The following HERC3 variants were observed in gnomAD, a reference collection of about 807,000 sequenced individuals.
HERC3 encodes the protein HECT and RLD domain containing E3 ubiquitin protein ligase 3.
A neutral mutation model predicts 129.9 loss-of-function variants in HERC3; 58 were observed. That is an observed-to-expected ratio of 0.45 (90% CI 0.36 to 0.56). The LOEUF is 0.56. HERC3 is among the 20% of genes least tolerant of loss of function. HERC3 has a pLI of 0.00. For missense variants in HERC3, 835 were observed against 1,244.2 expected, an observed-to-expected ratio of 0.67 and a Z score of 4.95; for synonymous variants, 430 against 451.0, an observed-to-expected ratio of 0.95 and a Z score of 0.59.
At chr4:88,699,631 T>C (rs180796112) in intron 23 of HERC3, among the ~76,000 whole-genome samples, 3 of 151,896 alleles carry the variant, frequency 2.0e-5, no homozygotes, top group South Asian at 2.1e-4. Context: ...AATTGGCAGA[T>C]GCAGGGGCAG....
At chr4:88,544,633 G>A in the HERC3 span, among the ~76,000 whole-genome samples, 245 of 152,178 alleles carry the variant, frequency 1.6e-3, no homozygotes, top group African/African-American at 5.5e-3. Flanking sequence ...TGTTTATTGC[G>A]GCACTATTCA....
the HERC3 span, among the ~76,000 whole-genome samples, chr4:88,536,312 C>G: frequency 2.0e-4 from 30 of 152,106 alleles, no homozygotes; most frequent in Admixed American, 2.0e-3. Flanking sequence ...CTCCATTGTC[C>G]CTCTAAACCA....
intron 23 of HERC3, chr4:88,695,952 A>G (rs1307718384): frequency 6.6e-6 from 1 of 152,622 alleles, no homozygotes; most frequent in Non-Finnish European, 1.5e-5. Flanking sequence ...CACCACAGTG[A>G]TAAACAACTT....
intron 3 of HERC3, among the ~76,000 whole-genome samples, chr4:88,631,668 A>G (rs550952227): frequency 6.6e-6 from 1 of 152,308 alleles, no homozygotes; most frequent in South Asian, 2.1e-4. Context: ...GCCCTTTACT[A>G]TATGGAAAGA....
chr4:88,650,201 G>A (rs934852155), intron 4 of HERC3, among the ~76,000 whole-genome samples: 2 of 152,184 alleles, frequency 1.3e-5, no homozygotes, highest in African/African-American at 4.8e-5. Flanking sequence ...ATGTGAGTCG[G>A]TTGGGAACTG....
intron 3 of HERC3, among the ~76,000 whole-genome samples, chr4:88,642,633 C>T (rs1325679609): frequency 2.0e-5 from 3 of 152,210 alleles, no homozygotes; most frequent in African/African-American, 7.2e-5. Context: ...CTTGTTAGCT[C>T]TATCTTCATA....
chr4:88,684,242 C>A (rs551496026), intron 21 of HERC3, among the ~76,000 whole-genome samples: 15 of 152,276 alleles, frequency 9.9e-5, no homozygotes, highest in Non-Finnish European at 1.8e-4. Context: ...GTAACCAAAA[C>A]AACATGGTAC....
intron 3 of HERC3, among the ~76,000 whole-genome samples, chr4:88,622,263 CTTT>C (rs1202254909): frequency 1.3e-5 from 2 of 152,182 alleles, no homozygotes; most frequent in African/African-American, 4.8e-5. Flanking sequence ...TGACTGGCTT[CTTT>C]AATTTAGCAT....
upstream of HERC3, among the ~76,000 whole-genome samples, chr4:88,590,613 G>T (rs1721649857): frequency 6.6e-6 from 1 of 152,130 alleles, no homozygotes; most frequent in African/African-American, 2.4e-5. Flanking sequence ...TGAGCCATGG[G>T]CCAGACATAT....
At chr4:88,667,611 A>G (rs962458978) in intron 13 of HERC3, 123 bp downstream of exon 13, 17 of 669,878 alleles carry the variant, frequency 2.5e-5, no homozygotes, top group Middle Eastern at 8.3e-4. Context: ...TTTGTAAAGT[A>G]TTTACTCTGG....
chr4:88,577,954 G>A, the HERC3 span, among the ~76,000 whole-genome samples: 4 of 152,144 alleles, frequency 2.6e-5, no homozygotes, highest in Admixed American at 2.6e-4. Flanking sequence ...AGGAGGTGAT[G>A]TGACAGGCAG....
the HERC3 span, chr4:88,524,048 A>G: frequency 3.1e-6 from 1 of 327,720 alleles, no homozygotes; most frequent in Middle Eastern, 8.2e-4. Flanking sequence ...CAGGCCTCAG[A>G]GTTGTAGGGA....
At chr4:88,663,691 G>A (rs1306287833) in intron 11 of HERC3, among the ~76,000 whole-genome samples, 2 of 152,308 alleles carry the variant, frequency 1.3e-5, no homozygotes, top group African/African-American at 4.8e-5. Flanking sequence ...ATGGGAATAA[G>A]CACTTGTTTC....
chr4:88,638,653 T>C (rs4270906), intron 3 of HERC3, among the ~76,000 whole-genome samples: 1 of 152,204 alleles, frequency 6.6e-6, no homozygotes, highest in Non-Finnish European at 1.5e-5. Flanking sequence ...AGGCAAAAGC[T>C]GGAAGCATTC....
the HERC3 span, among the ~76,000 whole-genome samples, chr4:88,572,552 T>C: frequency 6.6e-6 from 1 of 152,226 alleles, no homozygotes; most frequent in Non-Finnish European, 1.5e-5. Flanking sequence ...GGCTCACACC[T>C]GTAGTCCCAG....
At chr4:88,552,299 C>A in the HERC3 span, among the ~76,000 whole-genome samples, 12 of 151,636 alleles carry the variant, frequency 7.9e-5, no homozygotes, top group Non-Finnish European at 1.0e-4. Flanking sequence ...AAAAAAGTCT[C>A]GTTTTCCTCT....
In HERC3 at chr4:88,681,596, C is replaced by T. The variant is rs192054248; in HGVS notation, c.2507+271C>T. On this transcript the variant is annotated intron_variant, in intron 21 of 25. Coordinates refer to ENST00000402738, the MANE Select transcript of HERC3 (RefSeq NM_014606.3). ...ACATGTGCTCAAGTCCTGCAGGGGC[C>T]CTAGAAGAACCCATGGATTGGAAAA... is the stretch of plus-strand genomic sequence containing the variant. Among the ~76,000 whole-genome samples the T allele has an allele frequency of 1.2e-3, 179 of 152,260 alleles. 1 individual carries two copies. Among genetic ancestry groups the T allele is most frequent in the Middle Eastern group, 3.4e-3 (1 of 294 alleles).
the HERC3 span, among the ~76,000 whole-genome samples, chr4:88,545,311 G>T: frequency 6.6e-6 from 1 of 151,384 alleles, no homozygotes; most frequent in Admixed American, 6.6e-5. Context: ...AAAAATTTTT[G>T]GTTATTCTAC....
chr4:88,579,232 A>AATATATATATATATATATATATATATAT, the HERC3 span, among the ~76,000 whole-genome samples: 1 of 104,084 alleles, frequency 9.6e-6, no homozygotes, highest in African/African-American at 6.1e-5. Context: ...AAAAAAAAAA[A>AATATATATATATATATATATATATATAT]ATATATATAT....
Sources: gnomAD v4.1 joint callset for allele counts (sites outside exome capture counted in the v4.1 genomes callset) on GRCh38, gnomAD v4.1.1 for gene constraint, MANE v1.5 for transcripts, NCBI Gene and HGNC (gene_info 2026-07-23, HGNC 2026-07-21) for gene names.